HECW1: variants seen among roughly 807,000 people sequenced by gnomAD.
HECW1 encodes E3 ubiquitin-protein ligase HECW1.
In HECW1, 61 loss-of-function variants were observed where a neutral mutation model predicts 182.3. The ratio of observed to expected loss-of-function variants is 0.33; its 90% CI spans 0.27 to 0.41. The LOEUF (loss-of-function observed/expected upper bound fraction) is 0.41. HECW1 is among the 10% of genes least tolerant of loss of function. HECW1 has a pLI of 1.00. For synonymous variants in HECW1, 859 were observed against 832.6 expected, an observed-to-expected ratio of 1.03 and a Z score of -0.55; for missense variants, 1,739 against 2,108.9, an observed-to-expected ratio of 0.82 and a Z score of 3.44.
chr7:43,334,668 A>C (rs1402492517), intron 5 of HECW1, among the ~76,000 whole-genome samples: 1 of 152,228 alleles, frequency 6.6e-6, no homozygotes, highest in African/African-American at 2.4e-5. Context: ...AAAAGGAGAA[A>C]GTCATCCTTG....
rs543927088 is a variant in HECW1, at chr7:43,278,080, G to T, written c.28-33683G>T. Among the ~76,000 whole-genome samples, 8 of 151,998 alleles carry T rather than the reference G, an allele frequency of 5.3e-5. No individual in the cohort carries two copies. The East Asian group carries it at 9.7e-4, about 18-fold the overall frequency. On this transcript the variant is annotated intron_variant, in intron 3 of 29. Coordinates refer to ENST00000395891, the MANE Select transcript of HECW1 (RefSeq NM_015052.5). ...GACTTGAAATAACATATATTGGCAG[G>T]TGACCCCCAAATGTATATGCCCATT...
intron 2 of HECW1, among the ~76,000 whole-genome samples, chr7:43,235,982 A>G (rs1446476261): frequency 2.6e-5 from 4 of 152,224 alleles, no homozygotes; most frequent in South Asian, 2.1e-4. Flanking sequence ...TGAGCCCAGG[A>G]GTTTGAGAAC....
intron 3 of HECW1, among the ~76,000 whole-genome samples, chr7:43,256,131 C>T (rs907307279): frequency 6.6e-6 from 1 of 152,082 alleles, no homozygotes; most frequent in Non-Finnish European, 1.5e-5. Context: ...ATAGTAGGCC[C>T]TCGTAAATGT....
At chr7:43,540,051 T>C (rs148132173) in intron 24 of HECW1, among the ~76,000 whole-genome samples, 1 of 152,350 alleles carries the variant, frequency 6.6e-6, no homozygotes, top group African/African-American at 2.4e-5. Context: ...AACACTAGCA[T>C]GTTATTTCAT....
intron 2 of HECW1, among the ~76,000 whole-genome samples, chr7:43,198,849 A>G (rs1794775563): frequency 1.3e-5 from 2 of 152,124 alleles, no homozygotes; most frequent in Admixed American, 1.3e-4. Flanking sequence ...TGGGCTGGCC[A>G]TGTTCTTCTC....
intron 5 of HECW1, among the ~76,000 whole-genome samples, chr7:43,354,121 G>A (rs1814794924): frequency 6.7e-6 from 1 of 149,652 alleles, no homozygotes; most frequent in East Asian, 2.0e-4. Flanking sequence ...ATTTATAGTA[G>A]GGGAAAAAAA....
chr7:43,128,899 G>T (rs1177091913), intron 2 of HECW1, among the ~76,000 whole-genome samples: 1 of 151,906 alleles, frequency 6.6e-6, no homozygotes, highest in Non-Finnish European at 1.5e-5. Flanking sequence ...ACTGCAGATG[G>T]AATGGAAATA....
intron 5 of HECW1, among the ~76,000 whole-genome samples, chr7:43,344,645 A>G (rs1813441933): frequency 1.3e-5 from 2 of 151,636 alleles, no homozygotes; most frequent in Admixed American, 1.3e-4. Flanking sequence ...TCAGTTACCT[A>G]TATTTTAGAC....
intron 11 of HECW1, 124 bp downstream of exon 11, chr7:43,445,694 CCT>C (rs1334984791): frequency 3.3e-6 from 4 of 1,201,054 alleles, no homozygotes; most frequent in Admixed American, 5.7e-5. Flanking sequence ...GCAATGTATG[CCT>C]GTCTTGTATA....
intron 12 of HECW1, among the ~76,000 whole-genome samples, chr7:43,455,059 A>G (rs1217298911): frequency 2.6e-5 from 4 of 151,228 alleles, no homozygotes; most frequent in Non-Finnish European, 2.9e-5. Context: ...TTTTCCACCC[A>G]CCTCACCCCA....
chr7:43,560,527 A>G (rs992648340), intron 29 of HECW1, among the ~76,000 whole-genome samples: 1 of 151,970 alleles, frequency 6.6e-6, no homozygotes, highest in Non-Finnish European at 1.5e-5. Context: ...TGCTGGGCAG[A>G]TGAAAACACC....
chr7:43,164,831 C>T (rs1160850725), intron 2 of HECW1, among the ~76,000 whole-genome samples: 2 of 152,190 alleles, frequency 1.3e-5, no homozygotes, highest in African/African-American at 2.4e-5. Flanking sequence ...AGCATGCAGC[C>T]GCGCTTCCAT....
intron 21 of HECW1, among the ~76,000 whole-genome samples, chr7:43,506,430 G>A (rs1007990762): frequency 6.6e-6 from 1 of 152,136 alleles, no homozygotes; most frequent in African/African-American, 2.4e-5. Context: ...AAGAATTAGA[G>A]AGGAAGACAT....
chr7:43,388,216 T>G (rs1395063338), intron 6 of HECW1, among the ~76,000 whole-genome samples: 1 of 152,154 alleles, frequency 6.6e-6, no homozygotes. Context: ...CCACTCCACA[T>G]CCAGGGAATT....
At chr7:43,166,573 C>T (rs1486647064) in intron 2 of HECW1, among the ~76,000 whole-genome samples, 2 of 152,194 alleles carry the variant, frequency 1.3e-5, no homozygotes, top group Non-Finnish European at 2.9e-5. Flanking sequence ...AGTCACATTA[C>T]AAGTAAAAGC....
At chr7:43,268,775 T>C (rs1219092963) in intron 3 of HECW1, among the ~76,000 whole-genome samples, 1 of 152,006 alleles carries the variant, frequency 6.6e-6, no homozygotes, top group Non-Finnish European at 1.5e-5. Flanking sequence ...TGTTGTTGTT[T>C]GTTTGTTTGT....
In HECW1 at chr7:43,243,513, T is replaced by C. The variant is rs183444306; in HGVS notation, c.-31-362T>C. Among the ~76,000 whole-genome samples, 10 of 152,202 alleles carry C rather than the reference T, an allele frequency of 6.6e-5. No homozygotes were observed. The highest frequency in any genetic ancestry group is 6.5e-4 in the Admixed American group (10 of 15,302). ...GGAGTGGATCATATGTGAGGATGCT[T>C]TTCGCTGGCCTTCTCAGACGGCTGG... is the stretch of plus-strand genomic sequence containing the variant. On this transcript the variant is annotated intron_variant, in intron 2 of 29. Transcript: ENST00000395891. This position sits in a 1 kb window ranked among gnomAD's most constrained non-coding sequence, Gnocchi z 4.0.
intron 3 of HECW1, among the ~76,000 whole-genome samples, chr7:43,273,122 G>A (rs1457855899): frequency 6.6e-6 from 1 of 152,128 alleles, no homozygotes; most frequent in Non-Finnish European, 1.5e-5. Context: ...TAAACATTGG[G>A]TACTCACAGA....
At chr7:43,498,027 T>G (rs1330846324) in intron 19 of HECW1, among the ~76,000 whole-genome samples, 1 of 152,174 alleles carries the variant, frequency 6.6e-6, no homozygotes, top group Admixed American at 6.5e-5. Context: ...GGGATATATG[T>G]AGGAGAGACA....
Sources: gnomAD v4.1 joint callset for allele counts (sites outside exome capture counted in the v4.1 genomes callset) on GRCh38, gnomAD v4.1.1 for gene constraint, Gnocchi (gnomAD v3.1) non-coding constraint, MANE v1.5 for transcripts, NCBI Gene and HGNC (gene_info 2026-07-23, HGNC 2026-07-21) for gene names.